NEGR1: variants seen among roughly 807,000 people sequenced by gnomAD.
NEGR1 encodes IgLON family member 4.
NEGR1 carries 10 observed loss-of-function variants against 40.9 expected under a neutral mutation model. The ratio of observed to expected loss-of-function variants is 0.24; its 90% CI spans 0.15 to 0.42. The LOEUF is 0.42. Ranked by LOEUF, NEGR1 falls within the 10% of genes least tolerant of loss-of-function variation. The pLI, the probability that NEGR1 is intolerant of heterozygous loss-of-function variation, is 1.00. For synonymous variants in NEGR1, 185 were observed against 166.8 expected (o/e 1.11, Z -0.84); for missense variants, 352 against 438.9 (o/e 0.80, Z 1.77).
chr1:71,999,054 C>T (rs2100376314), intron 1 of NEGR1, among the ~76,000 whole-genome samples: 1 of 151,944 alleles, frequency 6.6e-6, no homozygotes, highest in East Asian at 1.9e-4. Context: ...GCTTCTACTC[C>T]ATCATCTATG....
At chr1:71,700,302 C>T (rs192384582) in intron 3 of NEGR1, among the ~76,000 whole-genome samples, 1 of 152,002 alleles carries the variant, frequency 6.6e-6, no homozygotes, top group Non-Finnish European at 1.5e-5. Context: ...AGCCCAGTGA[C>T]ACATATGAAA....
intron 2 of NEGR1, among the ~76,000 whole-genome samples, chr1:71,812,609 A>G (rs1658042623): frequency 6.6e-6 from 1 of 152,134 alleles, no homozygotes; most frequent in Non-Finnish European, 1.5e-5. Flanking sequence ...GTGAGATGGT[A>G]TCTTACTGCA....
intron 6 of NEGR1, among the ~76,000 whole-genome samples, chr1:71,579,082 C>T (rs1175859199): frequency 6.6e-6 from 1 of 152,100 alleles, no homozygotes; most frequent in African/African-American, 2.4e-5. Flanking sequence ...ATTTTAAAAG[C>T]TAGCAATAGT....
intron 2 of NEGR1, among the ~76,000 whole-genome samples, chr1:71,788,962 A>G (rs1384156502): frequency 1.3e-5 from 2 of 152,178 alleles, no homozygotes; most frequent in Admixed American, 6.6e-5. Context: ...ATACAATTAT[A>G]TCAAGTTATA....
At chr1:72,237,056 T>G (rs1654572087) in intron 1 of NEGR1, among the ~76,000 whole-genome samples, 1 of 151,980 alleles carries the variant, frequency 6.6e-6, no homozygotes, top group South Asian at 2.1e-4. Flanking sequence ...ATTTATTATT[T>G]AACATATTAT....
chr1:71,492,399 A>T (rs1646935984), intron 6 of NEGR1, among the ~76,000 whole-genome samples: 1 of 152,066 alleles, frequency 6.6e-6, no homozygotes, highest in Non-Finnish European at 1.5e-5. Flanking sequence ...TATCAAAAAA[A>T]CATAAAGACC....
intron 1 of NEGR1, among the ~76,000 whole-genome samples, chr1:72,246,616 A>G (rs1317743012): frequency 6.6e-6 from 1 of 152,238 alleles, no homozygotes; most frequent in Non-Finnish European, 1.5e-5. Flanking sequence ...ATATAGGAAT[A>G]CATTTCCAAA....
At chr1:72,031,189 A>T (rs1646855390) in intron 1 of NEGR1, among the ~76,000 whole-genome samples, 1 of 152,166 alleles carries the variant, frequency 6.6e-6, no homozygotes, top group Non-Finnish European at 1.5e-5. Flanking sequence ...AGCTTGCTGG[A>T]GAGATGGGAA....
rs1557515772 is a variant in NEGR1, at chr1:71,407,385, A to C, written c.*61T>G. 2.6e-6 allele frequency: 4 copies of C among 1,546,424 alleles called. No individual in the cohort carries two copies. The South Asian group carries it at 4.6e-5, about 18-fold the overall frequency. On this transcript the variant is annotated 3_prime_UTR_variant, in exon 7 of 7. Coordinates refer to ENST00000357731, the MANE Select transcript of NEGR1 (RefSeq NM_173808.3). ...CGCTGCTTTTAACAAACTGTACCAG[A>C]TTGGATCCAGCCATCAGCACTTTCA...
chr1:71,673,800 A>AT (rs5775080), intron 4 of NEGR1, among the ~76,000 whole-genome samples: 142,928 of 150,772 alleles, frequency 0.95, 68,126 homozygotes, highest in Middle Eastern at 1. Flanking sequence ...CATTAATGAT[A>AT]TTTTTTTTTA....
At chr1:72,252,116 C>CT (rs1193492096) in intron 1 of NEGR1, among the ~76,000 whole-genome samples, 2 of 150,378 alleles carry the variant, frequency 1.3e-5, no homozygotes, top group Non-Finnish European at 3.0e-5. Flanking sequence ...CTTTTTTTTT[C>CT]TTTTTTTAGA....
At chr1:71,738,889 GA>G (rs943722365) in intron 3 of NEGR1, among the ~76,000 whole-genome samples, 3 of 151,750 alleles carry the variant, frequency 2.0e-5, no homozygotes, top group African/African-American at 4.8e-5. Context: ...TAAAGAAAGA[GA>G]AAAAAAATTA....
At chr1:72,140,440 GAGGGCAAGAA>G (rs1333843575) in intron 1 of NEGR1, among the ~76,000 whole-genome samples, 6 of 151,966 alleles carry the variant, frequency 3.9e-5, no homozygotes, top group South Asian at 2.1e-4. Flanking sequence ...CAGACAACAA[GAGGGCAAGAA>G]AGGGCAAGAA....
rs61729931 is a variant in NEGR1, at chr1:71,611,112, G to A, written c.702C>T (p.Thr234=). The change falls in exon 5 of 7, where the codon ACC becomes ACT. Residue 234 remains threonine (T), a synonymous_variant. Coordinates refer to ENST00000357731, the MANE Select transcript of NEGR1 (RefSeq NM_173808.3). ...TCAGGCCACTGCGTCCGGGGGTCAC[G>A]GTGCCAGATTTAATTTCCTGAATAG... is the stretch of plus-strand genomic sequence containing the variant. The part of the protein sequence containing the change: ...APTIQEIKSG[T]VTPGRSGLIR... 6.2e-7 allele frequency: 1 copy of A among 1,613,618 alleles called. No homozygotes were observed. Among genetic ancestry groups the A allele is most frequent in the Non-Finnish European group, 8.5e-7 (1 of 1,179,738 alleles).
Position 71,397,430 on chromosome 1 carries a change from A to G in NEGR1, c.*10016T>C. 6.6e-6 allele frequency: 1 copy of G among 152,652 alleles called. No homozygotes were observed. Among genetic ancestry groups the G allele is most frequent in the Middle Eastern group, 3.3e-3 (1 of 302 alleles). The allele number at this position is 152,652 out of a possible 1,614,324, so 9.5% of individuals were successfully genotyped here. ...CAACCTCTGCCTCCTGGGTTCAAGC[A>G]ATTCTTCTGCTTCAGCCTCCCAAGC... is the stretch of plus-strand genomic sequence containing the variant. On this transcript the variant is annotated 3_prime_UTR_variant, in exon 7 of 7. Transcript: ENST00000357731.
intron 1 of NEGR1, among the ~76,000 whole-genome samples, chr1:72,140,323 A>T (rs1381836051): frequency 6.6e-6 from 1 of 152,004 alleles, no homozygotes; most frequent in Non-Finnish European, 1.5e-5. Context: ...AAGAACAGGT[A>T]ATTTACAATG....
intron 2 of NEGR1, among the ~76,000 whole-genome samples, chr1:71,805,720 G>C (rs1195630428): frequency 1.3e-5 from 2 of 152,086 alleles, no homozygotes; most frequent in African/African-American, 2.4e-5. Flanking sequence ...TTAACTACTT[G>C]CCTGCTGTAA....
At chr1:72,178,558 A>G (rs1461773849) in intron 1 of NEGR1, among the ~76,000 whole-genome samples, 1 of 151,796 alleles carries the variant, frequency 6.6e-6, no homozygotes, top group Non-Finnish European at 1.5e-5. Flanking sequence ...GAATTCTATG[A>G]CATTTCTTTT....
At chr1:72,145,330 G>A (rs1456037552) in intron 1 of NEGR1, among the ~76,000 whole-genome samples, 1 of 152,066 alleles carries the variant, frequency 6.6e-6, no homozygotes, top group Non-Finnish European at 1.5e-5. Context: ...TTCCCATGTA[G>A]TTTTATTTTT....
Sources: allele counts gnomAD v4.1 joint callset (sites outside exome capture counted in the v4.1 genomes callset), GRCh38; gene constraint gnomAD v4.1.1; transcripts MANE v1.5; gene names NCBI Gene and HGNC (gene_info 2026-07-23, HGNC 2026-07-21).